The following SNX29 variants were observed in gnomAD, a reference collection of about 807,000 sequenced individuals.
The protein encoded by SNX29 is sorting nexin 29.
In SNX29, 78 loss-of-function variants were observed where a neutral mutation model predicts 102.1. That is an observed-to-expected ratio of 0.76 (90% CI 0.64 to 0.92). SNX29 has a LOEUF of 0.92. Ranked by LOEUF, SNX29 falls within the 40% of genes least tolerant of loss-of-function variation. SNX29 has a pLI of 0.00. For synonymous variants in SNX29, 580 were observed against 414.5 expected (o/e 1.40, Z -4.85); for missense variants, 1,280 against 1,061.7 (o/e 1.21, Z -2.86).
intron 15 of SNX29, among the ~76,000 whole-genome samples, chr16:12,326,601 A>T (rs940365563): frequency 6.6e-6 from 1 of 152,150 alleles, no homozygotes; most frequent in African/African-American, 2.4e-5. Flanking sequence ...ATGTGCAAAA[A>T]CGGGCACTGG....
intron 13 of SNX29, among the ~76,000 whole-genome samples, chr16:12,150,571 T>G (rs2055255246): frequency 6.6e-6 from 1 of 152,226 alleles, no homozygotes; most frequent in Non-Finnish European, 1.5e-5. Context: ...GCATCACAGC[T>G]TTAACAACCT....
intron 20 of SNX29, among the ~76,000 whole-genome samples, chr16:12,559,908 G>A (rs2078618341): frequency 1.3e-5 from 2 of 152,168 alleles, no homozygotes; most frequent in Admixed American, 6.5e-5. Flanking sequence ...GAATGCAGGA[G>A]GTGGAGCTTG....
At chr16:12,472,655 G>GT (rs1477776823) in intron 18 of SNX29, among the ~76,000 whole-genome samples, 6 of 151,908 alleles carry the variant, frequency 3.9e-5, no homozygotes, top group Non-Finnish European at 5.9e-5. Flanking sequence ...GAACACTCTG[G>GT]TAGACGCTCT....
chr16:12,397,580 C>T (rs556919565), intron 16 of SNX29, among the ~76,000 whole-genome samples: 71 of 152,270 alleles, frequency 4.7e-4, no homozygotes, highest in African/African-American at 1.5e-3. Context: ...CTTGGTTTCT[C>T]ATAGTCTTGA....
At chr16:12,536,895 G>C (rs1439653982) in intron 20 of SNX29, among the ~76,000 whole-genome samples, 1 of 152,164 alleles carries the variant, frequency 6.6e-6, no homozygotes, top group African/African-American at 2.4e-5. Flanking sequence ...ATAATCGCTT[G>C]AGCCCGGGAG....
intron 18 of SNX29, among the ~76,000 whole-genome samples, chr16:12,418,883 A>G: frequency 6.6e-6 from 1 of 152,178 alleles, no homozygotes; most frequent in East Asian, 1.9e-4. Context: ...CAGTCAGCCC[A>G]GAAGTCCCCT....
chr16:12,539,165 T>C (rs979148523), intron 20 of SNX29, among the ~76,000 whole-genome samples: 3 of 152,182 alleles, frequency 2.0e-5, no homozygotes, highest in Admixed American at 6.5e-5. Context: ...CTCTTGTTCA[T>C]GTCTGTGAAT....
chr16:12,567,058 G>A (rs1295093393), intron 20 of SNX29, among the ~76,000 whole-genome samples: 3 of 152,252 alleles, frequency 2.0e-5, no homozygotes, highest in Non-Finnish European at 4.4e-5. Context: ...ATGCTAGGCT[G>A]TTTCAGGGAA....
At chr16:12,123,644 G>A (rs1166285628) in intron 11 of SNX29, among the ~76,000 whole-genome samples, 1 of 152,182 alleles carries the variant, frequency 6.6e-6, no homozygotes, top group Non-Finnish European at 1.5e-5. Context: ...GCAGTGTCCT[G>A]TGTGGGTACA....
rs539867332 is a variant in SNX29, at chr16:12,270,756, T to G, written c.1679-7177T>G. ...TAACTCAGTCTAATTTAAAGTGGTC[T>G]CTCGGCTGGGCACAGTGGCTCATGT... On this transcript the variant is annotated intron_variant, in intron 14 of 20. Transcript: ENST00000566228. Among the ~76,000 whole-genome samples the G allele has an allele frequency of 6.6e-5, 10 of 152,200 alleles. No homozygotes were observed. In the East Asian group the frequency reaches 1.9e-3, roughly 29 times the overall value.
At chr16:12,224,160 A>T (rs564975424) in intron 14 of SNX29, among the ~76,000 whole-genome samples, 1 of 152,128 alleles carries the variant, frequency 6.6e-6, no homozygotes, top group Non-Finnish European at 1.5e-5. Flanking sequence ...ACTCTACTTG[A>T]GTAGTAGGTT....
In SNX29 at chr16:12,522,831, T is replaced by C. The variant is rs149662103; in HGVS notation, c.2179-1871T>C. On this transcript the variant is annotated intron_variant, in intron 19 of 20. Coordinates refer to ENST00000566228, the MANE Select transcript of SNX29 (RefSeq NM_032167.5). ...ATAGCAGTGTGAGAATGGACTAATATAGTCAGGGTCTAACTGTCTCCCAGG... is the reference window on the plus strand; with the variant it reads ...ATAGCAGTGTGAGAATGGACTAATACAGTCAGGGTCTAACTGTCTCCCAGG... Among the ~76,000 whole-genome samples the C allele has an allele frequency of 2.6e-5, 4 of 152,306 alleles. No homozygotes were observed. In the East Asian group the frequency reaches 5.8e-4, roughly 22 times the overall value.
At chr16:12,031,982 A>G (rs2057358157) in intron 4 of SNX29, among the ~76,000 whole-genome samples, 1 of 152,066 alleles carries the variant, frequency 6.6e-6, no homozygotes, top group Non-Finnish European at 1.5e-5. Flanking sequence ...TTACAAACCA[A>G]AACTGTGTAC....
At chr16:12,140,338 G>A (rs1334834408) in intron 13 of SNX29, among the ~76,000 whole-genome samples, 7 of 152,226 alleles carry the variant, frequency 4.6e-5, no homozygotes, top group Non-Finnish European at 1.5e-5. Flanking sequence ...CAGTAGCTCT[G>A]GAGAAGTCTT....
intron 8 of SNX29, among the ~76,000 whole-genome samples, chr16:12,059,845 C>G (rs1009194559): frequency 6.6e-6 from 1 of 152,134 alleles, no homozygotes; most frequent in Non-Finnish European, 1.5e-5. Context: ...GGAGACGACT[C>G]GGTGCACTTG....
At chr16:12,542,100 C>T (rs748311253) in intron 20 of SNX29, among the ~76,000 whole-genome samples, 1 of 152,094 alleles carries the variant, frequency 6.6e-6, no homozygotes, top group South Asian at 2.1e-4. Flanking sequence ...TTGTCTCTTC[C>T]CAACGGATCC....
chr16:12,549,418 C>T (rs528495153), intron 20 of SNX29, among the ~76,000 whole-genome samples: 2 of 152,290 alleles, frequency 1.3e-5, no homozygotes, highest in Non-Finnish European at 1.5e-5. Context: ...TCTCTTGAAC[C>T]TGGGAGGTGG....
intron 16 of SNX29, among the ~76,000 whole-genome samples, chr16:12,359,893 A>C (rs188351748): frequency 3.9e-5 from 6 of 152,246 alleles, no homozygotes; most frequent in Admixed American, 3.3e-4. Context: ...GTGCGATCTC[A>C]GCTCAATGCA....
chr16:12,432,851 C>T (rs1349896755), intron 18 of SNX29, among the ~76,000 whole-genome samples: 1 of 152,196 alleles, frequency 6.6e-6, no homozygotes, highest in East Asian at 1.9e-4. Context: ...CAGGGCTCCC[C>T]ACTATGCAAC....
Sources: gnomAD v4.1 joint callset for allele counts (sites outside exome capture counted in the v4.1 genomes callset) on GRCh38, gnomAD v4.1.1 for gene constraint, MANE v1.5 for transcripts, NCBI Gene and HGNC (gene_info 2026-07-23, HGNC 2026-07-21) for gene names.